TAF1B: variants seen among roughly 807,000 people sequenced by gnomAD.
The protein encoded by TAF1B is TATA box-binding protein-associated factor RNA polymerase I subunit B.
Under a neutral mutation model 83.9 loss-of-function variants are expected in TAF1B, and 61 were observed. The ratio of observed to expected loss-of-function variants is 0.73; its 90% CI spans 0.59 to 0.90. The LOEUF is 0.90. TAF1B is among the 40% of genes least tolerant of loss of function. The pLI is 0.00. For missense variants in TAF1B, 625 were observed against 677.0 expected, an observed-to-expected ratio of 0.92 and a Z score of 0.85; for synonymous variants, 221 against 224.6, an observed-to-expected ratio of 0.98 and a Z score of 0.14.
At chr2:9,895,834 T>TTTG (rs1665001992) in intron 8 of TAF1B, among the ~76,000 whole-genome samples, 1 of 150,474 alleles carries the variant, frequency 6.6e-6, no homozygotes, top group African/African-American at 2.4e-5. Flanking sequence ...TTTTTTTTTT[T>TTTG]TTAAATAGCT....
chr2:9,917,835 G>C (rs989243059), intron 12 of TAF1B, among the ~76,000 whole-genome samples: 1 of 151,972 alleles, frequency 6.6e-6, no homozygotes, highest in Non-Finnish European at 1.5e-5. Flanking sequence ...CACTTTGGGA[G>C]GCCGAGGCGG....
intron 8 of TAF1B, among the ~76,000 whole-genome samples, chr2:9,885,935 A>G (rs1664662241): frequency 6.6e-6 from 1 of 152,198 alleles, no homozygotes; most frequent in South Asian, 2.1e-4. Context: ...AGAATATTTT[A>G]TGTAGAATCA....
At chr2:9,845,026 T>A (rs899663124) in intron 1 of TAF1B, among the ~76,000 whole-genome samples, 194 bp from the exon 2 acceptor site, 1 of 152,216 alleles carries the variant, frequency 6.6e-6, no homozygotes, top group Non-Finnish European at 1.5e-5. Context: ...CAATAAATTT[T>A]CTCCAGTAGT....
At chr2:9,882,203 C>T (rs1355893480) in intron 7 of TAF1B, among the ~76,000 whole-genome samples, 1 of 151,952 alleles carries the variant, frequency 6.6e-6, no homozygotes, top group Non-Finnish European at 1.5e-5. Flanking sequence ...CAGGTTCAAG[C>T]GATTCTTCTG....
intron 5 of TAF1B, among the ~76,000 whole-genome samples, chr2:9,858,697 A>G (rs1057269501): frequency 5.9e-5 from 9 of 152,342 alleles, no homozygotes; most frequent in Admixed American, 5.9e-4. Flanking sequence ...CCACAGGCCC[A>G]TCGCCACGTG....
chr2:9,883,036 A>G (rs1664561441), intron 8 of TAF1B, among the ~76,000 whole-genome samples: 4 of 152,172 alleles, frequency 2.6e-5, no homozygotes, highest in Admixed American at 2.6e-4. Context: ...ATGTGTGTGC[A>G]TTGCAGATAG....
intron 14 of TAF1B, among the ~76,000 whole-genome samples, chr2:9,929,298 A>G (rs1395877504): frequency 6.6e-6 from 1 of 152,062 alleles, no homozygotes; most frequent in Non-Finnish European, 1.5e-5. Flanking sequence ...AGCTGGGACT[A>G]CAGGTGCCCG....
chr2:9,849,376 T>TA lies in TAF1B; in HGVS notation c.122dup (p.Tyr41Ter). The change falls in exon 3 of 15, where the codon TAT becomes TAAT. Residue 41 changes from tyrosine to a stop codon, truncating the protein, a stop_gained and frameshift_variant. Transcript: ENST00000263663. LOFTEE classifies it high-confidence loss of function. ...CTSCHNVTER[Y>*]QEVTNTDLIP... Reference sequence around the variant, plus strand: ...GGTCTTTTTCTCTTTCCTGCAGAGATATCAGGAAGTTACAAACACTGATCT... The same window carrying TA: ...GGTCTTTTTCTCTTTCCTGCAGAGATAATCAGGAAGTTACAAACACTGATCT... 6.3e-7 allele frequency: 1 copy of TA among 1,594,924 alleles called. No homozygotes were observed. Among genetic ancestry groups the TA allele is most frequent in the Non-Finnish European group, 8.5e-7 (1 of 1,170,288 alleles).
intron 7 of TAF1B, among the ~76,000 whole-genome samples, chr2:9,877,320 T>C (rs1664349110): frequency 6.6e-6 from 1 of 152,226 alleles, no homozygotes; most frequent in Non-Finnish European, 1.5e-5. Context: ...TAGAGGTTCA[T>C]CATCTGTCTC....
intron 8 of TAF1B, among the ~76,000 whole-genome samples, chr2:9,890,544 A>G (rs1262921852): frequency 6.6e-6 from 1 of 152,026 alleles, no homozygotes; most frequent in African/African-American, 2.4e-5. Context: ...CTTTACTTAA[A>G]TCTTTTCCCC....
intron 8 of TAF1B, among the ~76,000 whole-genome samples, chr2:9,892,063 TCAGTC>T (rs1572256751): frequency 6.6e-6 from 1 of 152,338 alleles, no homozygotes; most frequent in East Asian, 1.9e-4. Context: ...AGAGCAACTT[TCAGTC>T]TTGAAGGCTT....
intron 5 of TAF1B, among the ~76,000 whole-genome samples, chr2:9,865,901 G>C (rs1663958015): frequency 6.6e-6 from 1 of 150,980 alleles, no homozygotes; most frequent in Admixed American, 6.6e-5. Flanking sequence ...AGCTGAAACT[G>C]GATCCCTTCC....
intron 8 of TAF1B, among the ~76,000 whole-genome samples, chr2:9,894,324 T>C (rs1664956877): frequency 6.6e-6 from 1 of 152,216 alleles, no homozygotes; most frequent in African/African-American, 2.4e-5. Flanking sequence ...GCTTCTGATA[T>C]ATTTATTATA....
At position 9,879,847 on chromosome 2, in the gene TAF1B, G is replaced by GT. The variant is rs560887383; in HGVS notation, c.708-2856dup. 3.9e-3 allele frequency among the ~76,000 whole-genome samples: 601 copies of GT among 152,246 alleles called. 3 individuals are homozygous for GT. The highest frequency in any genetic ancestry group is 0.013 in the African/African-American group (560 of 41,498). On this transcript the variant is annotated intron_variant, in intron 7 of 14. Coordinates refer to ENST00000263663, the MANE Select transcript of TAF1B (RefSeq NM_005680.3). Reference sequence around the variant, plus strand: ...CAGTGGTTTTCAATATGTTTTCAAAGTTTGCAAAGCTGTGCAGTCTCTATT... The same window carrying GT: ...CAGTGGTTTTCAATATGTTTTCAAAGTTTTGCAAAGCTGTGCAGTCTCTATT...
intron 8 of TAF1B, 96 bp from the exon 9 acceptor site, chr2:9,904,763 T>TA: frequency 8.2e-7 from 1 of 1,223,704 alleles, no homozygotes; most frequent in Non-Finnish European, 1.1e-6. Flanking sequence ...GTTATTTTTT[T>TA]ACTTTTTAAT....
At position 9,919,715 on chromosome 2, in the gene TAF1B, C is replaced by G; in HGVS notation, c.1460C>G (p.Thr487Arg). The G allele has an allele frequency of 6.2e-7, 1 of 1,614,064 alleles. No individual in the cohort carries two copies. The highest frequency in any genetic ancestry group is 8.5e-7 in the Non-Finnish European group (1 of 1,179,984). Residue 487 changes from threonine to arginine, a missense_variant, in exon 14 of 15, where the codon ACG (threonine) becomes AGG (arginine). Physicochemically the swap from Thr to Arg is moderately conservative, Grantham distance 71 (BLOSUM62 -1). Coordinates refer to ENST00000263663, the MANE Select transcript of TAF1B (RefSeq NM_005680.3). Reference sequence around the variant, plus strand: ...TGGACTGAAGAGGACACTGATAGAACGTGTTTCCATGGACACAGCCTTCAG... The same window carrying G: ...TGGACTGAAGAGGACACTGATAGAAGGTGTTTCCATGGACACAGCCTTCAG... Reference protein sequence around the residue: ...FNWTEEDTDRTCFHGHSLQGV... With the variant: ...FNWTEEDTDRRCFHGHSLQGV...
At chr2:9,868,770 T>G (rs375822029) in intron 6 of TAF1B, 1 of 481,280 alleles carries the variant, frequency 2.1e-6, no homozygotes, top group East Asian at 6.4e-5. Flanking sequence ...AATGTTATTA[T>G]GTAGCCATAT....
intron 14 of TAF1B, among the ~76,000 whole-genome samples, chr2:9,923,380 TA>T (rs1264797550): frequency 1.3e-5 from 2 of 149,428 alleles, no homozygotes; most frequent in African/African-American, 2.4e-5. Flanking sequence ...CTACAACGAT[TA>T]AAGAGTGGCA....
intron 8 of TAF1B, among the ~76,000 whole-genome samples, chr2:9,886,104 A>G (rs1427192776): frequency 4.9e-5 from 7 of 143,554 alleles, no homozygotes; most frequent in Non-Finnish European, 1.1e-4. Context: ...AGTATATTCA[A>G]AATGCAGACA....
Sources: gnomAD v4.1 joint callset for allele counts (sites outside exome capture counted in the v4.1 genomes callset) on GRCh38, gnomAD v4.1.1 for gene constraint, MANE v1.5 for transcripts, NCBI Gene and HGNC (gene_info 2026-07-23, HGNC 2026-07-21) for gene names.